ZNF479: variants seen among roughly 807,000 people sequenced by gnomAD.
The protein encoded by ZNF479 is KRAB zinc finger protein KR19.
ZNF479 carries 15 observed loss-of-function variants against 14.7 expected under a neutral mutation model. That is an observed-to-expected ratio of 1.02 (90% CI 0.68 to 1.57). The LOEUF is 1.57. ZNF479 is among the 40% of genes most tolerant of loss of function. The pLI is 0.00. For missense variants in ZNF479, 506 were observed against 615.1 expected (o/e 0.82, Z 1.88); for synonymous variants, 145 against 211.5 (o/e 0.69, Z 2.73).
intron 1 of ZNF479, among the ~76,000 whole-genome samples, chr7:57,131,107 C>T: frequency 6.6e-6 from 1 of 152,056 alleles, no homozygotes; most frequent in East Asian, 1.9e-4. Flanking sequence ...GAGGTCTGTT[C>T]AGGGTAGAGG....
Position 57,117,991 on chromosome 7 carries a change from T to G in ZNF479, c.*1849A>C, listed in dbSNP as rs1268371079. ...TTTAGTGTAATGTATGAAGTTTCAG[T>G]GCCTTCATTCTTTCTACTGTGACCC... On this transcript the variant is annotated 3_prime_UTR_variant, in exon 4 of 4. Transcript: ENST00000319636. 4.6e-5 allele frequency among the ~76,000 whole-genome samples: 7 copies of G among 152,414 alleles called. No individual in the cohort carries two copies. The East Asian group carries it at 1.3e-3, about 29-fold the overall frequency.
chr7:57,132,362 G>A lies in ZNF479; in HGVS notation c.-38C>T, dbSNP rs1424386227. ...ACCTGCAGGACACAAGGACACATAG[G>A]CTTGGCCTCTAGGAGCAGAGGACAC... On this transcript the variant is annotated 5_prime_UTR_variant, in exon 1 of 4. Coordinates refer to ENST00000319636, the MANE Select transcript of ZNF479 (RefSeq NM_001370129.2). 3.7e-6 allele frequency: 6 copies of A among 1,613,946 alleles called. No individual in the cohort carries two copies. The highest frequency in any genetic ancestry group is 5.1e-6 in the Non-Finnish European group (6 of 1,179,978).
rs1562844994 is a variant in ZNF479, at chr7:57,120,254, GC to G, written c.1160del (p.Gly387AlafsTer127). ...GEKPYTCEEC[G>X]QDFRRSSALT... ...GTGCTGAGGAGCGCCTAAAGTCTTGGCCACATTCTTCACATGTGTAGGGTTT... is the reference window on the plus strand; with the variant it reads ...GTGCTGAGGAGCGCCTAAAGTCTTGGCACATTCTTCACATGTGTAGGGTTT... On this transcript the variant is annotated frameshift_variant, in exon 4 of 4. Coordinates refer to ENST00000319636, the MANE Select transcript of ZNF479 (RefSeq NM_001370129.2). LOFTEE classifies it low-confidence loss of function (END_TRUNC). The G allele has an allele frequency of 5.0e-6, 8 of 1,611,884 alleles. No homozygotes were observed. The highest frequency in any genetic ancestry group is 6.8e-6 in the Non-Finnish European group (8 of 1,179,480).
rs376988051 is a variant in ZNF479 at position 57,139,073 on chromosome 7, T to A, written c.-15+535A>T. Among the ~76,000 whole-genome samples the A allele has an allele frequency of 7.9e-5, 12 of 152,228 alleles. 1 individual carries two copies. In the East Asian group the frequency reaches 9.6e-4, roughly 12 times the overall value. On this transcript the variant is annotated intron_variant, in intron 1 of 4. Coordinates refer to the ZNF479 transcript ENST00000331162. The stretch of plus-strand genomic sequence containing the variant: ...GCAAGCACAAATGTCTCAAAGCAGA[T>A]TGTGAATCTCACATGTGCCATATAA...
chr7:57,130,108 G>A lies in ZNF479; in HGVS notation c.39+2178C>T, dbSNP rs368081246. On this transcript the variant is annotated intron_variant, in intron 1 of 3. Transcript: ENST00000319636. The stretch of plus-strand genomic sequence containing the variant: ...AAAGTAAGAGCAAACCAACTTCAGA[G>A]CTCACAAAAGTCAAGAAATAACCAA... Among the ~76,000 whole-genome samples the A allele has an allele frequency of 2.4e-3, 363 of 152,238 alleles. 5 individuals carry two copies. The Middle Eastern group carries it at 0.037, about 16-fold the overall frequency.
At chr7:57,128,879 C>T (rs192253463) in intron 1 of ZNF479, among the ~76,000 whole-genome samples, 111 of 152,242 alleles carry the variant, frequency 7.3e-4, no homozygotes, top group African/African-American at 2.6e-3. Context: ...GTTTCTTTTC[C>T]TCCTCTTTCT....
intron 1 of ZNF479, among the ~76,000 whole-genome samples, chr7:57,139,427 C>T (rs1260921116): frequency 2.0e-5 from 3 of 152,202 alleles, no homozygotes; most frequent in African/African-American, 7.2e-5. Flanking sequence ...GAGTCAAATA[C>T]TTAACCATAT....
intron 2 of ZNF479, among the ~76,000 whole-genome samples, 163 bp downstream of exon 2, chr7:57,126,429 C>G (rs1786170993): frequency 1.3e-5 from 2 of 150,832 alleles, no homozygotes; most frequent in South Asian, 4.2e-4. Flanking sequence ...AAGTTCTGGT[C>G]AAGATAAAAC....
chr7:57,121,380 T>C (rs568064678), intron 3 of ZNF479, among the ~76,000 whole-genome samples: 1 of 152,204 alleles, frequency 6.6e-6, no homozygotes, highest in African/African-American at 2.4e-5. Flanking sequence ...GTGAGCATGA[T>C]GTCCAGAGCC....
chr7:57,133,807 A>C (rs568388637), upstream of ZNF479, among the ~76,000 whole-genome samples: 2 of 152,132 alleles, frequency 1.3e-5, no homozygotes, highest in African/African-American at 4.8e-5. Context: ...CAGAGGTTGC[A>C]GTGACCCGAG....
chr7:57,132,439 C>T, upstream of ZNF479: 1 of 1,531,894 alleles, frequency 6.5e-7, no homozygotes, highest in South Asian at 1.1e-5. Flanking sequence ...ACACAAAGGA[C>T]CCGCAAAATT....
chr7:57,121,116 T>C lies in ZNF479; in HGVS notation c.299A>G (p.Glu100Gly). The change falls in exon 4 of 4, where the codon GAG becomes GGG. Residue 100 changes from glutamate to glycine, a missense_variant. Physicochemically the swap from Glu to Gly is moderately conservative, Grantham distance 98. Coordinates refer to ENST00000319636, the MANE Select transcript of ZNF479 (RefSeq NM_001370129.2). ...TTGGAGTGAATCTTTGATGCCCTGC[T>C]CTGGCTGAAGGTCTTGGGTGAAATG... ...RSHFTQDLQP[E>G]QGIKDSLQKV... 1 of 1,613,890 alleles carries C rather than the reference T, an allele frequency of 6.2e-7. No individual in the cohort carries two copies. The highest frequency in any genetic ancestry group is 8.5e-7 in the Non-Finnish European group (1 of 1,179,928).
At chr7:57,123,646 G>A (rs995208358) in intron 3 of ZNF479, among the ~76,000 whole-genome samples, 5 of 151,966 alleles carry the variant, frequency 3.3e-5, no homozygotes, top group African/African-American at 1.2e-4. Context: ...CTAGCCTTGG[G>A]AACACAGTGA....
chr7:57,133,605 G>A (rs552287312), upstream of ZNF479, among the ~76,000 whole-genome samples: 12 of 152,254 alleles, frequency 7.9e-5, no homozygotes, highest in African/African-American at 2.6e-4. Flanking sequence ...AGTGGCTCAC[G>A]CCTGTAATCC....
chr7:57,124,674 A>G lies in ZNF479; in HGVS notation c.262+1344T>C, dbSNP rs151069767. Among the ~76,000 whole-genome samples the G allele has an allele frequency of 7.4e-3, 1,133 of 152,358 alleles. 20 individuals carry two copies. The highest frequency in any genetic ancestry group is 0.026 in the African/African-American group (1,083 of 41,580). The stretch of plus-strand genomic sequence containing the variant: ...TTTAATACAGTGACAGTGTCTCCCA[A>G]GAAATCGGTGACAATATTTGAAAAT... On this transcript the variant is annotated intron_variant, in intron 3 of 3. Coordinates refer to ENST00000319636, the MANE Select transcript of ZNF479 (RefSeq NM_001370129.2).
Position 57,126,755 on chromosome 7 carries a change from C to G in ZNF479, c.40-37G>C, listed in dbSNP as rs377462377. 8.1e-6 allele frequency: 13 copies of G among 1,613,494 alleles called. No individual in the cohort carries two copies. In the African/African-American group the frequency reaches 1.6e-4, roughly 20 times the overall value. On this transcript the variant is annotated intron_variant, in intron 1 of 3. Coordinates refer to ENST00000319636, the MANE Select transcript of ZNF479 (RefSeq NM_001370129.2). ...ACAAACAAAACCACTCATGAACACA[C>G]AAGCACTTACCACACGGCCATAGGC...
At chr7:57,134,181 T>C (rs1583949600), upstream of ZNF479, among the ~76,000 whole-genome samples, 1 of 152,238 alleles carries the variant, frequency 6.6e-6, no homozygotes, top group Middle Eastern at 3.4e-3. Context: ...GAGGCCTGGC[T>C]TTCTAAGTCA....
In ZNF479 at chr7:57,118,787, A is replaced by C. The variant is rs1354889374; in HGVS notation, c.*1053T>G. ...TAGTATAAATGCTTTCCTGTACCAT[A>C]AGGTGTGAGAATTTGTTAAAAGTTT... On this transcript the variant is annotated 3_prime_UTR_variant, in exon 4 of 4. Coordinates refer to ENST00000319636, the MANE Select transcript of ZNF479 (RefSeq NM_001370129.2). Among the ~76,000 whole-genome samples the C allele has an allele frequency of 6.6e-6, 1 of 152,210 alleles. No homozygotes were observed. Among genetic ancestry groups the C allele is most frequent in the Non-Finnish European group, 1.5e-5 (1 of 68,036 alleles).
chr7:57,128,219 C>T (rs963681510), intron 1 of ZNF479, among the ~76,000 whole-genome samples: 2 of 151,992 alleles, frequency 1.3e-5, no homozygotes, highest in Admixed American at 6.6e-5. Flanking sequence ...GATTACAAGC[C>T]AAAGCCATTG....
Sources: allele counts gnomAD v4.1 joint callset (sites outside exome capture counted in the v4.1 genomes callset), GRCh38; gene constraint gnomAD v4.1.1; transcripts MANE v1.5; gene names NCBI Gene and HGNC (gene_info 2026-07-23, HGNC 2026-07-21).